NFATC4: variants seen among roughly 807,000 people sequenced by gnomAD.
The protein encoded by NFATC4 is nuclear factor of activated T-cells, cytoplasmic 4.
In NFATC4, 25 loss-of-function variants were observed where a neutral mutation model predicts 73.4. The observed-to-expected ratio is 0.34, with a 90% confidence interval of 0.25 to 0.48. The LOEUF (loss-of-function observed/expected upper bound fraction) is 0.48. NFATC4 is among the 20% of genes least tolerant of loss of function. The pLI is 0.99. For synonymous variants in NFATC4, 523 were observed against 510.3 expected (o/e 1.02, Z -0.34); for missense variants, 1,130 against 1,203.7 (o/e 0.94, Z 0.91).
intron 5 of NFATC4, 118 bp from the exon 6 acceptor site, chr14:24,374,208 A>G (rs2042551480): frequency 6.4e-6 from 8 of 1,257,218 alleles, no homozygotes; most frequent in Non-Finnish European, 7.7e-6. Context: ...TTGTGTGTCT[A>G]CTGCTGAGGA....
chr14:24,369,114 C>A, intron 1 of NFATC4: 2 of 1,434,646 alleles, frequency 1.4e-6, no homozygotes, highest in Non-Finnish European at 1.8e-6. Context: ...CTCCTGCCAG[C>A]GCCGTTTGGG....
rs1414890271 is a variant in NFATC4, at chr14:24,370,464, T to G, written c.1066T>G (p.Leu356Val). ...EPASCNGKLP[L>V]GAEESVAPPG... ...TGCCTCATGCAATGGGAAGCTGCCC[T>G]TGGGAGCAGAGGAGTCTGTGGCTCC... The change falls in exon 2 of 10, where the codon TTG (leucine) becomes GTG (valine). Residue 356 changes from leucine to valine, a missense_variant. By Grantham distance (32) the Leu-to-Val change is conservative. Coordinates refer to ENST00000250373, the MANE Select transcript of NFATC4 (RefSeq NM_004554.5). 3 of 1,614,030 alleles carry G rather than the reference T, an allele frequency of 1.9e-6. No individual in the cohort carries two copies. Among genetic ancestry groups the G allele is most frequent in the African/African-American group, 1.3e-5 (1 of 74,936 alleles).
chr14:24,377,100 TC>T lies in NFATC4; in HGVS notation c.2641+223del, dbSNP rs1280775557. 12 of 1,319,458 alleles carry T rather than the reference TC, an allele frequency of 9.1e-6. No homozygotes were observed. The highest frequency in any genetic ancestry group is 9.6e-6 in the Non-Finnish European group (10 of 1,040,436). 81.7% of individuals were successfully genotyped at this position (1,319,458 alleles called of 1,614,324 possible). On this transcript the variant is annotated intron_variant, in intron 9 of 9. Transcript: ENST00000250373. The surrounding 1 kb of genome is among the most constrained non-coding windows in gnomAD (Gnocchi z 4.2). ...GGTAACTGTCTCAGCCTTTCTCCTG[TC>T]TCTGCCTCTGTCCTCTGCTCCAAAT...
At position 24,370,028 on chromosome 14, in the gene NFATC4, C is replaced by A. The variant is rs142423856; in HGVS notation, c.630C>A (p.Gly210=). The A allele has an allele frequency of 1.9e-5, 31 of 1,611,240 alleles. No individual in the cohort carries two copies. The highest frequency in any genetic ancestry group is 2.5e-5 in the Non-Finnish European group (30 of 1,179,950). ...SELNEAASRF[G]LGSPLPSPRA... ...TAAATGAGGCGGCCTCCCGCTTTGG[C>A]CTGGGCTCCCCGCTGCCCTCGCCCC... The change falls in exon 2 of 10, where the codon GGC becomes GGA. Residue 210 remains glycine (G), a synonymous_variant. Transcript: ENST00000250373.
chr14:24,369,695 AGGGGGTGCT>A lies in NFATC4; in HGVS notation c.314_322del (p.Ala105_Gly107del), dbSNP rs56115223. 150 of 1,611,114 alleles carry A rather than the reference AGGGGGTGCT, an allele frequency of 9.3e-5. 2 individuals carry two copies. Among genetic ancestry groups the A allele is most frequent in the Admixed American group, 7.0e-4 (42 of 59,882 alleles). ...GGTCGGTGAGGCTGGGAGGACCAGG[AGGGGGTGCT>A]GGGGGTGCTGGGGGTGGCCGTGTTC... On this transcript the variant is annotated inframe_deletion, in exon 2 of 10. Coordinates refer to ENST00000250373, the MANE Select transcript of NFATC4 (RefSeq NM_004554.5).
At chr14:24,374,682 G>A (rs369185008) in intron 6 of NFATC4, 8 of 507,388 alleles carry the variant, frequency 1.6e-5, no homozygotes, top group East Asian at 6.4e-5. Flanking sequence ...ACAAATGGAA[G>A]CAATGCACAT....
At position 24,376,130 on chromosome 14, in the gene NFATC4, G is replaced by A. The variant is rs781741087; in HGVS notation, c.2056+29G>A. On this transcript the variant is annotated intron_variant, in intron 8 of 9. Coordinates refer to ENST00000250373, the MANE Select transcript of NFATC4 (RefSeq NM_004554.5). This position sits in a 1 kb window ranked among gnomAD's most constrained non-coding sequence, Gnocchi z 5.0. The stretch of plus-strand genomic sequence containing the variant: ...CGCTCTGGGACAGCCCATGGTGGGG[G>A]TATAGGGATATGGGGAGCTGGAGCA... The A allele has an allele frequency of 4.3e-6, 7 of 1,613,728 alleles. No homozygotes were observed. Among genetic ancestry groups the A allele is most frequent in the Non-Finnish European group, 5.9e-6 (7 of 1,179,778 alleles).
In NFATC4 at chr14:24,377,768, C is replaced by G. The variant is rs1384307569; in HGVS notation, c.*63C>G. ...AGCCTCAGCCCTGCCCCCTTTCCCT[C>G]CTTCCTGGAGTGGTGGCTACAGAAG... On this transcript the variant is annotated 3_prime_UTR_variant, in exon 10 of 10. Coordinates refer to ENST00000250373, the MANE Select transcript of NFATC4 (RefSeq NM_004554.5). This position sits in a 1 kb window ranked among gnomAD's most constrained non-coding sequence, Gnocchi z 4.2. 5.0e-6 allele frequency: 8 copies of G among 1,613,102 alleles called. No homozygotes were observed. Among genetic ancestry groups the G allele is most frequent in the Non-Finnish European group, 6.8e-6 (8 of 1,179,510 alleles).
chr14:24,367,485 G>A (rs2042338042), upstream of NFATC4: 2 of 1,535,526 alleles, frequency 1.3e-6, no homozygotes, highest in Admixed American at 2.0e-5. Context: ...CCCATCAAGG[G>A]CTGTGGGCCT....
At chr14:24,371,320 C>T (rs1346679081) in intron 2 of NFATC4, among the ~76,000 whole-genome samples, 1 of 152,220 alleles carries the variant, frequency 6.6e-6, no homozygotes, top group South Asian at 2.1e-4. Flanking sequence ...GTTAATTCAG[C>T]ACTACTATTT....
At chr14:24,367,241 C>CG (rs749207337), upstream of NFATC4, 55 of 1,370,792 alleles carry the variant, frequency 4.0e-5, no homozygotes, top group African/African-American at 2.5e-4. Context: ...CTGTTGGGGG[C>CG]GGGGGGGCCA....
chr14:24,372,979 T>G (rs1432004562), intron 3 of NFATC4, 192 bp from the exon 4 acceptor site: 1 of 652,088 alleles, frequency 1.5e-6, no homozygotes, highest in Non-Finnish European at 2.6e-6. Context: ...TTGGGCTTTA[T>G]TCCAAGAAAA....
chr14:24,373,926 G>A lies in NFATC4; in HGVS notation c.1732+59G>A, dbSNP rs1267945120. On this transcript the variant is annotated intron_variant, in intron 5 of 9. Transcript: ENST00000250373. The surrounding 1 kb of genome is among the most constrained non-coding windows in gnomAD (Gnocchi z 4.7). ...TCTTGCAACTCTTTTGTCTGTGTGT[G>A]TGTGTCTGTCTGCCCATTCCCTCTG... The A allele has an allele frequency of 2.5e-6, 4 of 1,603,276 alleles. No individual in the cohort carries two copies. In the Admixed American group the frequency reaches 6.8e-5, roughly 27 times the overall value.
At chr14:24,371,035 T>C (rs2042461085) in intron 2 of NFATC4, among the ~76,000 whole-genome samples, 1 of 152,248 alleles carries the variant, frequency 6.6e-6, no homozygotes, top group African/African-American at 2.4e-5. Flanking sequence ...GAAATTCCCC[T>C]TCTGCATTCC....
upstream of NFATC4, chr14:24,366,966 C>T: frequency 6.4e-7 from 1 of 1,568,324 alleles, no homozygotes; most frequent in Non-Finnish European, 8.6e-7. Context: ...GATGGGGCGG[C>T]GTTGGGGGTG....
At position 24,373,516 on chromosome 14, in the gene NFATC4, A is replaced by C. The variant is rs1594712745; in HGVS notation, c.1559+146A>C. On this transcript the variant is annotated intron_variant, in intron 4 of 9. Coordinates refer to ENST00000250373, the MANE Select transcript of NFATC4 (RefSeq NM_004554.5). The surrounding 1 kb of genome is among the most constrained non-coding windows in gnomAD (Gnocchi z 4.7). ...TTCAGGCCTACCCACCATCTGGAAG[A>C]GGACTTTTGGGGTTGGGGGTACCCC... 1.5e-6 allele frequency: 2 copies of C among 1,361,966 alleles called. No individual in the cohort carries two copies. The highest frequency in any genetic ancestry group is 2.0e-6 in the Non-Finnish European group (2 of 993,510). The allele number at this position is 1,361,966 out of a possible 1,614,324, so 84.4% of individuals were successfully genotyped here. A position where few individuals can be genotyped will look rare whatever the true frequency, so the allele number is the denominator to read the frequency against.
At position 24,373,335 on chromosome 14, in the gene NFATC4, G is replaced by T. The variant is rs1327078620; in HGVS notation, c.1524G>T (p.Glu508Asp). Residue 508 changes from glutamate to aspartate, a missense_variant, in exon 4 of 10, where the codon GAG becomes GAT. Coordinates refer to ENST00000250373, the MANE Select transcript of NFATC4 (RefSeq NM_004554.5). This position sits in a 1 kb window ranked among gnomAD's most constrained non-coding sequence, Gnocchi z 4.7. Reference protein sequence around the residue: ...EAVVSGTKVLEMTLLPENNMA... With the variant: ...EAVVSGTKVLDMTLLPENNMA... Reference sequence around the variant, plus strand: ...TAGTCAGTGGCACCAAGGTGTTGGAGATGACTCTGCTGCCTGAGAACAACA... The same window carrying T: ...TAGTCAGTGGCACCAAGGTGTTGGATATGACTCTGCTGCCTGAGAACAACA... 9 of 1,614,196 alleles carry T rather than the reference G, an allele frequency of 5.6e-6. No homozygotes were observed. The highest frequency in any genetic ancestry group is 3.3e-5 in the Admixed American group (2 of 60,034).
At position 24,377,370 on chromosome 14, in the gene NFATC4, C is replaced by G. The variant is rs1029835092; in HGVS notation, c.2642-268C>G. 2 of 1,353,444 alleles carry G rather than the reference C, an allele frequency of 1.5e-6. No individual in the cohort carries two copies. The highest frequency in any genetic ancestry group is 3.8e-5 in the South Asian group (2 of 52,804). 83.8% of individuals were successfully genotyped at this position (1,353,444 alleles called of 1,614,324 possible). On this transcript the variant is annotated intron_variant, in intron 9 of 9. Transcript: ENST00000250373. The surrounding 1 kb of genome is among the most constrained non-coding windows in gnomAD (Gnocchi z 4.2). Reference sequence around the variant, plus strand: ...CACCCATCTCTGGCCCTGCTGATACCGATTCCCCTGACATTTCAGGCTAAG... The same window carrying G: ...CACCCATCTCTGGCCCTGCTGATACGGATTCCCCTGACATTTCAGGCTAAG...
chr14:24,367,802 T>A (rs558970175), upstream of NFATC4: 38 of 1,342,956 alleles, frequency 2.8e-5, no homozygotes, highest in South Asian at 4.4e-4. Flanking sequence ...CTTCAGAATT[T>A]AAAAAAGGGT....
Sources: gnomAD v4.1 joint callset for allele counts (sites outside exome capture counted in the v4.1 genomes callset) on GRCh38, gnomAD v4.1.1 for gene constraint, Gnocchi (gnomAD v3.1) non-coding constraint, MANE v1.5 for transcripts, NCBI Gene and HGNC (gene_info 2026-07-23, HGNC 2026-07-21) for gene names.